RXRA: variants seen among roughly 807,000 people sequenced by gnomAD.
RXRA encodes retinoic acid receptor RXR-alpha.
A neutral mutation model predicts 44.5 loss-of-function variants in RXRA; 5 were observed. The ratio of observed to expected loss-of-function variants is 0.11; its 90% CI spans 0.06 to 0.24. RXRA has a LOEUF of 0.24. Among genes scored for constraint, RXRA ranks in the 10% least tolerant of loss-of-function variants. The probability of loss-of-function intolerance (pLI) is 1.00; values close to 1 mark genes in which losing one functional copy is unlikely to be tolerated. For missense variants in RXRA, 412 were observed against 646.5 expected (o/e 0.64, Z 3.93); for synonymous variants, 291 against 271.4 (o/e 1.07, Z -0.71).
chr9:134,356,015 A>G (rs987726923), intron 1 of RXRA, among the ~76,000 whole-genome samples: 2 of 151,888 alleles, frequency 1.3e-5, no homozygotes, highest in Non-Finnish European at 2.9e-5. Context: ...TGCCAAGAGT[A>G]GCGGCAGGGA....
chr9:134,368,376 C>G (rs1003510281), intron 1 of RXRA, among the ~76,000 whole-genome samples: 11 of 152,380 alleles, frequency 7.2e-5, no homozygotes, highest in African/African-American at 1.9e-4. Flanking sequence ...TCCCCTGGGG[C>G]TGGATAGCCC....
chr9:134,370,934 A>G (rs1387304147), intron 1 of RXRA, among the ~76,000 whole-genome samples: 1 of 152,162 alleles, frequency 6.6e-6, no homozygotes, highest in South Asian at 2.1e-4. Flanking sequence ...CAGAGAGTAC[A>G]GTGTCCCTTC....
In RXRA at chr9:134,440,538, G is replaced by A. The variant is rs1831716934; in HGVS notation, c.*3924G>A. The A allele has an allele frequency of 6.6e-6, 1 of 152,476 alleles. No individual in the cohort carries two copies. Among genetic ancestry groups the A allele is most frequent in the South Asian group, 2.1e-4 (1 of 4,834 alleles). 9.4% of individuals were successfully genotyped at this position (152,476 alleles called of 1,614,324 possible). ...AACACGCAAAGGGAGAAGTGTGAGA[G>A]GAGAAACAAAATATGAGCGTTTAAA... is the stretch of plus-strand genomic sequence containing the variant. On this transcript the variant is annotated 3_prime_UTR_variant, in exon 10 of 10. Transcript: ENST00000481739.
intron 1 of RXRA, among the ~76,000 whole-genome samples, chr9:134,358,451 T>A (rs1051213780): frequency 6.6e-6 from 1 of 152,194 alleles, no homozygotes; most frequent in African/African-American, 2.4e-5. Flanking sequence ...GGCCCAGAGC[T>A]GGGAGAGTTC....
At chr9:134,345,612 G>C (rs1830140587) in intron 1 of RXRA, among the ~76,000 whole-genome samples, 1 of 152,158 alleles carries the variant, frequency 6.6e-6, no homozygotes, top group African/African-American at 2.4e-5. Context: ...TGGTAGCCCC[G>C]GCAGAGGCTG....
intron 1 of RXRA, among the ~76,000 whole-genome samples, chr9:134,351,948 A>G (rs782620665): frequency 5.9e-5 from 9 of 152,122 alleles, no homozygotes; most frequent in African/African-American, 1.2e-4. Flanking sequence ...TGCATGTGGC[A>G]TATGTGTGTT....
intron 1 of RXRA, among the ~76,000 whole-genome samples, chr9:134,375,037 C>G (rs1159852746): frequency 6.6e-6 from 1 of 152,138 alleles, no homozygotes; most frequent in Non-Finnish European, 1.5e-5. Flanking sequence ...CCCTGCACTG[C>G]AGGGAGTGCT....
intron 1 of RXRA, among the ~76,000 whole-genome samples, chr9:134,368,871 G>A (rs1215588547): frequency 7.6e-6 from 1 of 131,480 alleles, no homozygotes; most frequent in East Asian, 2.2e-4. Context: ...TGAGTGCAGG[G>A]GTTATGTGTG....
intron 1 of RXRA, 88 bp from the exon 2 acceptor site, chr9:134,401,544 C>T (rs1011800111): frequency 2.3e-5 from 37 of 1,588,712 alleles, no homozygotes; most frequent in Non-Finnish European, 2.8e-5. Flanking sequence ...CCCGCAGGTG[C>T]GTGCATCTGT....
At chr9:134,423,186 G>A in intron 6 of RXRA, 1 of 985,444 alleles carries the variant, frequency 1.0e-6, no homozygotes, top group Admixed American at 6.1e-5. Context: ...TAGCTGTGAG[G>A]CCAGGCTGTT....
intron 1 of RXRA, among the ~76,000 whole-genome samples, chr9:134,400,933 TG>T (rs1452199307): frequency 2.6e-5 from 4 of 152,250 alleles, no homozygotes; most frequent in African/African-American, 9.6e-5. Flanking sequence ...GAGCGTCCGG[TG>T]CCCGGGCGAC....
chr9:134,431,816 G>C, intron 7 of RXRA, 89 bp from the exon 8 acceptor site: 1 of 1,016,462 alleles, frequency 9.8e-7, no homozygotes, highest in Non-Finnish European at 1.5e-6. Context: ...GCCACGCCGG[G>C]CTCTCCAGAG....
intron 2 of RXRA, chr9:134,402,106 A>G (rs1434535729): frequency 3.6e-6 from 2 of 548,160 alleles, no homozygotes; most frequent in Non-Finnish European, 6.4e-6. Flanking sequence ...AGCCGAGGTG[A>G]CTTGCAGCTG....
rs1446210940 is a variant in RXRA, at chr9:134,365,819, C to T, written c.29-35813C>T. Among the ~76,000 whole-genome samples, 1 of 151,972 alleles carries T rather than the reference C, an allele frequency of 6.6e-6. No homozygotes were observed. The highest frequency in any genetic ancestry group is 2.4e-5 in the African/African-American group (1 of 41,342). ...AGCCCAGAAGGACCCTCCCATTACC[C>T]TCTGGTGGCTTGCCCATGCCACCAT... is the stretch of plus-strand genomic sequence containing the variant. On this transcript the variant is annotated intron_variant, in intron 1 of 9. Transcript: ENST00000481739. The surrounding 1 kb of genome is among the most constrained non-coding windows in gnomAD (Gnocchi z 4.0).
chr9:134,424,667 T>A (rs1470373034), intron 6 of RXRA: 1 of 985,322 alleles, frequency 1.0e-6, no homozygotes, highest in Non-Finnish European at 1.2e-6. Flanking sequence ...GAAGCACACG[T>A]CCAATTCAGA....
chr9:134,377,536 T>C lies in RXRA; in HGVS notation c.29-24096T>C, dbSNP rs372384973. On this transcript the variant is annotated intron_variant, in intron 1 of 9. Coordinates refer to ENST00000481739, the MANE Select transcript of RXRA (RefSeq NM_002957.6). ...CAGCTGGGTGAAGTCTCCGTGTGTG[T>C]GTGCCCTGCAGCCAGCACACCCACA... Among the ~76,000 whole-genome samples the C allele has an allele frequency of 3.7e-3, 570 of 152,262 alleles. 1 individual carries two copies. Among genetic ancestry groups the C allele is most frequent in the African/African-American group, 0.013 (549 of 41,536 alleles).
At chr9:134,432,102 A>G (rs35443779) in intron 8 of RXRA, 106 bp downstream of exon 8, 37,735 of 771,710 alleles carry the variant, frequency 0.049, 1,526 homozygotes, top group African/African-American at 0.12. Flanking sequence ...ATGTGGGGCC[A>G]ACTCCCACCC....
intron 1 of RXRA, among the ~76,000 whole-genome samples, chr9:134,392,647 T>C (rs2119125114): frequency 6.6e-6 from 1 of 152,290 alleles, no homozygotes; most frequent in African/African-American, 2.4e-5. Context: ...TGAGGCTACC[T>C]GAATTCTCGC....
chr9:134,392,708 C>T (rs1037254772), intron 1 of RXRA, among the ~76,000 whole-genome samples: 1 of 152,192 alleles, frequency 6.6e-6, no homozygotes, highest in Non-Finnish European at 1.5e-5. Context: ...CTGGTAAAAT[C>T]AGATGCCCTG....
Sources: gnomAD v4.1 joint callset for allele counts (sites outside exome capture counted in the v4.1 genomes callset) on GRCh38, gnomAD v4.1.1 for gene constraint, Gnocchi (gnomAD v3.1) non-coding constraint, MANE v1.5 for transcripts, NCBI Gene and HGNC (gene_info 2026-07-23, HGNC 2026-07-21) for gene names.